The following BTG4 variants were observed in gnomAD, a reference collection of about 807,000 sequenced individuals.
BTG4 encodes the protein BTG anti-proliferation factor 4, also known as protein BTG4.
BTG4 carries 10 observed loss-of-function variants against 19.3 expected under a neutral mutation model. The observed-to-expected ratio is 0.52, with a 90% CI of 0.32 to 0.88. The LOEUF is 0.88. BTG4 is among the 40% of genes least tolerant of loss of function. The pLI is 0.04. For synonymous variants in BTG4, 91 were observed against 95.7 expected (o/e 0.95, Z 0.29); for missense variants, 238 against 281.9 (o/e 0.84, Z 1.11).
At chr11:111,440,279 T>TA in the BTG4 span, among the ~76,000 whole-genome samples, 1 of 152,200 alleles carries the variant, frequency 6.6e-6, no homozygotes, top group African/African-American at 2.4e-5. Context: ...ACCTAGGCTC[T>TA]AAAATCCCAG....
At chr11:111,508,366 C>CTT (rs5794754) in intron 1 of BTG4, among the ~76,000 whole-genome samples, 87 of 146,304 alleles carry the variant, frequency 5.9e-4, no homozygotes, top group Middle Eastern at 3.5e-3. Flanking sequence ...ACTCCCTGGG[C>CTT]TTTTTTTTTT....
chr11:111,401,443 C>T, the BTG4 span, among the ~76,000 whole-genome samples: 1 of 150,948 alleles, frequency 6.6e-6, no homozygotes, highest in Non-Finnish European at 1.5e-5. Flanking sequence ...GATTGAGACA[C>T]TGCACTCCAG....
intron 1 of BTG4, among the ~76,000 whole-genome samples, chr11:111,507,310 A>G (rs1206828211): frequency 6.6e-6 from 1 of 152,170 alleles, no homozygotes; most frequent in Non-Finnish European, 1.5e-5. Flanking sequence ...ACTACTAACT[A>G]GCTTATTGAA....
chr11:111,492,523 C>T (rs1055071690), downstream of BTG4, among the ~76,000 whole-genome samples: 1 of 152,090 alleles, frequency 6.6e-6, no homozygotes, highest in Non-Finnish European at 1.5e-5. Context: ...TATTTAATGC[C>T]GTGTATCAGA....
the BTG4 span, among the ~76,000 whole-genome samples, chr11:111,390,084 A>G: frequency 2.6e-5 from 4 of 152,278 alleles, no homozygotes; most frequent in Non-Finnish European, 5.9e-5. Context: ...TAAAATGCAC[A>G]GTTTATAAGT....
intron 5 of BTG4, among the ~76,000 whole-genome samples, chr11:111,487,381 C>T (rs958828767): frequency 2.6e-5 from 4 of 151,844 alleles, no homozygotes; most frequent in African/African-American, 4.8e-5. Context: ...TAATTTTGAT[C>T]GATGCTGAAA....
chr11:111,466,914 A>G (rs1264102254), downstream of BTG4: 1 of 152,610 alleles, frequency 6.6e-6, no homozygotes, highest in Non-Finnish European at 1.5e-5. Context: ...TGGCCTCTCT[A>G]TGGAGCAGTT....
chr11:111,395,213 G>C, the BTG4 span, among the ~76,000 whole-genome samples: 1 of 152,228 alleles, frequency 6.6e-6, no homozygotes, highest in Non-Finnish European at 1.5e-5. Context: ...CTGCAGGTGC[G>C]GTCAGGAGCT....
At chr11:111,439,012 G>A in the BTG4 span, among the ~76,000 whole-genome samples, 2 of 152,258 alleles carry the variant, frequency 1.3e-5, no homozygotes, top group African/African-American at 4.8e-5. Flanking sequence ...TGGGTACTGG[G>A]TGTTACCTGA....
chr11:111,497,963 G>T lies in BTG4; in HGVS notation c.311+35C>A, dbSNP rs1263283428. The T allele has an allele frequency of 2.5e-6, 4 of 1,601,770 alleles. No homozygotes were observed. In the South Asian group the frequency reaches 4.5e-5, roughly 18 times the overall value. ...AAGTTGTCTAACTTAAGGTTTCCAGGTATCACACAGCACACAAACTATGAG... is the reference window on the plus strand; with the variant it reads ...AAGTTGTCTAACTTAAGGTTTCCAGTTATCACACAGCACACAAACTATGAG... On this transcript the variant is annotated intron_variant, in intron 3 of 4. Coordinates refer to ENST00000692032, the MANE Select transcript of BTG4 (RefSeq NM_001367975.1).
chr11:111,394,419 T>G, the BTG4 span, among the ~76,000 whole-genome samples: 2 of 152,214 alleles, frequency 1.3e-5, no homozygotes, highest in Admixed American at 6.5e-5. Flanking sequence ...TCTCACAAGA[T>G]CTGACGGTTT....
the BTG4 span, among the ~76,000 whole-genome samples, chr11:111,415,367 C>A: frequency 6.6e-6 from 1 of 152,162 alleles, no homozygotes; most frequent in African/African-American, 2.4e-5. Context: ...ACTTTCAAAC[C>A]AATGTTTACT....
the BTG4 span, among the ~76,000 whole-genome samples, chr11:111,411,772 CAA>C: frequency 6.6e-6 from 1 of 152,040 alleles, no homozygotes; most frequent in East Asian, 1.9e-4. Flanking sequence ...TCTCCTCCAA[CAA>C]AAAAAGTAAG....
At chr11:111,501,397 A>G (rs1352536485) in intron 1 of BTG4, among the ~76,000 whole-genome samples, 4 of 152,172 alleles carry the variant, frequency 2.6e-5, no homozygotes, top group African/African-American at 9.6e-5. Context: ...ACCTTTCACT[A>G]GTGAAGAACT....
the BTG4 span, among the ~76,000 whole-genome samples, chr11:111,454,710 A>T: frequency 1.3e-5 from 2 of 152,088 alleles, no homozygotes; most frequent in Admixed American, 6.6e-5. Flanking sequence ...AAAAGAATAC[A>T]TTAGAAGTCC....
upstream of BTG4, chr11:111,512,395 C>T (rs1867013810): frequency 6.6e-6 from 1 of 151,770 alleles, no homozygotes; most frequent in Admixed American, 6.6e-5. Flanking sequence ...TCCCCCCCCC[C>T]ATCCCCTCCC....
chr11:111,429,144 A>G, the BTG4 span, among the ~76,000 whole-genome samples: 1 of 152,284 alleles, frequency 6.6e-6, no homozygotes, highest in Non-Finnish European at 1.5e-5. Flanking sequence ...CATCACCACT[A>G]TCTAATTCCG....
chr11:111,436,929 C>G, the BTG4 span, among the ~76,000 whole-genome samples: 1 of 152,190 alleles, frequency 6.6e-6, no homozygotes, highest in Admixed American at 6.5e-5. Flanking sequence ...ACCATCACCC[C>G]GCCCCACCAT....
chr11:111,419,617 C>T, the BTG4 span, among the ~76,000 whole-genome samples: 1 of 152,196 alleles, frequency 6.6e-6, no homozygotes, highest in African/African-American at 2.4e-5. Flanking sequence ...AGCTCATAAG[C>T]AGAACATAGA....
Sources: allele counts gnomAD v4.1 joint callset (sites outside exome capture counted in the v4.1 genomes callset), GRCh38; gene constraint gnomAD v4.1.1; transcripts MANE v1.5; gene names NCBI Gene and HGNC (gene_info 2026-07-23, HGNC 2026-07-21).